The following GUCA1A variants were observed in gnomAD, a reference collection of about 807,000 sequenced individuals.
The protein encoded by GUCA1A is guanylate cyclase activator 1A, also known as guanylyl cyclase-activating protein 1.
In GUCA1A, 14 loss-of-function variants were observed where a neutral mutation model predicts 18.5. The observed-to-expected ratio is 0.76, with a 90% CI of 0.50 to 1.18. The LOEUF (loss-of-function observed/expected upper bound fraction) is 1.18, where lower values mean the gene tolerates loss of function less well. GUCA1A is among the 50% of genes most tolerant of loss of function. GUCA1A has a pLI of 0.00. For synonymous variants in GUCA1A, 97 were observed against 100.2 expected (o/e 0.97, Z 0.19); for missense variants, 264 against 262.4 (o/e 1.01, Z -0.04).
At position 42,178,899 on chromosome 6, in the gene GUCA1A, AG is replaced by A; in HGVS notation, c.445+9del. ...AAGATTGACGTCAACGGGGATGGTGAGGGGGCCGAGGAGGGGCTCCCCAGCG... is the reference window on the plus strand; with the variant it reads ...AAGATTGACGTCAACGGGGATGGTGAGGGGCCGAGGAGGGGCTCCCCAGCG... On this transcript the variant is annotated splice_donor_5th_base_variant and intron_variant, in intron 3 of 3. Transcript: ENST00000372958. The A allele has an allele frequency of 6.2e-7, 1 of 1,605,582 alleles. No homozygotes were observed. Among genetic ancestry groups the A allele is most frequent in the East Asian group, 2.2e-5 (1 of 44,844 alleles).
intron 1 of GUCA1A, among the ~76,000 whole-genome samples, chr6:42,174,088 C>A (rs1347792020): frequency 6.6e-6 from 1 of 152,178 alleles, no homozygotes; most frequent in East Asian, 1.9e-4. Context: ...CTTTCTAGGG[C>A]AAGACAGAGA....
rs1400532214 is a variant in GUCA1A, at chr6:42,179,395, G to A, written c.598G>A (p.Ala200Thr). 9.4e-6 allele frequency: 15 copies of A among 1,595,708 alleles called. No homozygotes were observed. Among genetic ancestry groups the A allele is most frequent in the Non-Finnish European group, 1.2e-5 (14 of 1,169,588 alleles). ...GGGGGCTGACGAGGCCGCTGAGGCAGCCGGCTGAGTGCACCGCCCGGCTGC... is the reference window on the plus strand; with the variant it reads ...GGGGGCTGACGAGGCCGCTGAGGCAACCGGCTGAGTGCACCGCCCGGCTGC... ...EEGADEAAEA[A>T]G Residue 200 changes from alanine (A) to threonine (T), a missense_variant, in exon 4 of 4, where the codon GCC becomes ACC. Physicochemically the swap from Ala to Thr is moderately conservative, Grantham distance 58. Transcript: ENST00000372958.
rs142260150 is a variant in GUCA1A at position 42,178,019 on chromosome 6, C to G, written c.202-261C>G. 4.8e-3 allele frequency among the ~76,000 whole-genome samples: 732 copies of G among 152,332 alleles called. 3 individuals carry two copies. Among genetic ancestry groups the G allele is most frequent in the African/African-American group, 0.016 (677 of 41,574 alleles). On this transcript the variant is annotated intron_variant, in intron 1 of 3. Transcript: ENST00000372958. ...AACAGACAGCGCCAGCCATTCACAC[C>G]CCAGTGGATGCTGGCTTATTAGATT...
chr6:42,174,513 C>CCACCTGGA (rs1404431985), intron 1 of GUCA1A, among the ~76,000 whole-genome samples: 3 of 152,160 alleles, frequency 2.0e-5, no homozygotes, highest in Non-Finnish European at 4.4e-5. Context: ...TCCTCAGTAG[C>CCACCTGGA]CACCTGGACG....
intron 1 of GUCA1A, among the ~76,000 whole-genome samples, 159 bp downstream of exon 1, chr6:42,173,973 T>C (rs146156357): frequency 7.0e-4 from 107 of 152,334 alleles, no homozygotes; most frequent in Middle Eastern, 3.4e-3. Flanking sequence ...GGTGGGTTTT[T>C]GACACTAGGG....
chr6:42,175,189 C>A (rs1767920752), intron 1 of GUCA1A, among the ~76,000 whole-genome samples: 1 of 151,998 alleles, frequency 6.6e-6, no homozygotes, highest in Non-Finnish European at 1.5e-5. Context: ...GAGCCTCACA[C>A]CTTACCCCCA....
At position 42,174,696 on chromosome 6, in the gene GUCA1A, T is replaced by A. The variant is rs199506493; in HGVS notation, c.201+882T>A. ...TGGATGTTGGGAGCATTAGTTAAGA[T>A]GTTTGTTGGTTTTCATAGTAAATCT... On this transcript the variant is annotated intron_variant, in intron 1 of 3. Transcript: ENST00000372958. 1.1e-4 allele frequency among the ~76,000 whole-genome samples: 16 copies of A among 152,328 alleles called. No homozygotes were observed. In the East Asian group the frequency reaches 2.3e-3, roughly 22 times the overall value.
At position 42,178,849 on chromosome 6, in the gene GUCA1A, G is replaced by A. The variant is rs1468496575; in HGVS notation, c.399G>A (p.Glu133=). The part of the protein sequence containing the change: ...NPCSDTTMTA[E]EFTDTVFSKI... ...GCAGCGATACCACCATGACTGCAGA[G>A]GAGTTCACCGATACAGTGTTCTCCA... The change falls in exon 3 of 4, where the codon GAG becomes GAA. Residue 133 remains glutamate (E), a synonymous_variant. Transcript: ENST00000372958. The A allele has an allele frequency of 6.2e-7, 1 of 1,614,082 alleles. No individual in the cohort carries two copies. The highest frequency in any genetic ancestry group is 8.5e-7 in the Non-Finnish European group (1 of 1,179,932).
intron 1 of GUCA1A, 42 bp from the exon 2 acceptor site, chr6:42,178,237 GC>G (rs1768009172): frequency 6.2e-7 from 1 of 1,610,832 alleles, no homozygotes; most frequent in Admixed American, 1.7e-5. Context: ...GCTGGAGTGA[GC>G]GGGGCCCGGA....
chr6:42,173,640 A>C lies in GUCA1A; in HGVS notation c.27A>C (p.Ser9=), dbSNP rs974775320. The C allele has an allele frequency of 9.3e-6, 15 of 1,614,010 alleles. No homozygotes were observed. Among genetic ancestry groups the C allele is most frequent in the Admixed American group, 5.0e-5 (3 of 60,018 alleles). ...TGGGCAACGTGATGGAGGGAAAGTC[A>C]GTGGAGGAGCTGAGCAGCACCGAGT... MGNVMEGK[S]VEELSSTECH... is the part of the protein sequence containing the mutation. The change falls in exon 1 of 4, where the codon TCA becomes TCC. Residue 9 remains serine (S), a synonymous_variant. Transcript: ENST00000372958.
At chr6:42,173,920 C>T (rs1767884331) in intron 1 of GUCA1A, 106 bp downstream of exon 1, 1 of 824,248 alleles carries the variant, frequency 1.2e-6, no homozygotes, top group Non-Finnish European at 2.1e-6. Flanking sequence ...GAAGTGTCCG[C>T]TGGGGAGCAA....
chr6:42,175,126 C>T (rs1391767466), intron 1 of GUCA1A, among the ~76,000 whole-genome samples: 1 of 152,144 alleles, frequency 6.6e-6, no homozygotes, highest in African/African-American at 2.4e-5. Context: ...ACTCAAAATG[C>T]TCCCGAAGAA....
chr6:42,177,096 T>C (rs1767978544), intron 1 of GUCA1A, among the ~76,000 whole-genome samples: 1 of 152,194 alleles, frequency 6.6e-6, no homozygotes, highest in South Asian at 2.1e-4. Context: ...TTTGCTTTGC[T>C]TACTTCAAAT....
rs369964888 is a variant in GUCA1A, at chr6:42,173,819, G to T, written c.201+5G>T. The T allele has an allele frequency of 1.2e-6, 2 of 1,609,870 alleles. No homozygotes were observed. Among genetic ancestry groups the T allele is most frequent in the Middle Eastern group, 1.7e-4 (1 of 6,054 alleles). ...GAGACTTTTGACTTCAACAAGGTGAGCAGGGGCCCAGTGGCAGGGAGGGGA... is the reference window on the plus strand; with the variant it reads ...GAGACTTTTGACTTCAACAAGGTGATCAGGGGCCCAGTGGCAGGGAGGGGA... On this transcript the variant is annotated splice_donor_5th_base_variant and intron_variant, in intron 1 of 3. Coordinates refer to ENST00000372958, the MANE Select transcript of GUCA1A (RefSeq NM_001384910.1).
rs149482975 is a variant in GUCA1A, at chr6:42,179,397, C to T, written c.600C>T (p.Ala200=). ...EEGADEAAEA[A]G is the part of the protein sequence containing the mutation. ...GGGCTGACGAGGCCGCTGAGGCAGCCGGCTGAGTGCACCGCCCGGCTGCTT... is the reference window on the plus strand; with the variant it reads ...GGGCTGACGAGGCCGCTGAGGCAGCTGGCTGAGTGCACCGCCCGGCTGCTT... The change falls in exon 4 of 4, where the codon GCC becomes GCT. Residue 200 remains alanine (A), a synonymous_variant. Coordinates refer to ENST00000372958, the MANE Select transcript of GUCA1A (RefSeq NM_001384910.1). The T allele has an allele frequency of 9.7e-5, 154 of 1,592,546 alleles. No homozygotes were observed. In the African/African-American group the frequency reaches 1.9e-3, roughly 19 times the overall value.
chr6:42,179,009 C>G, intron 3 of GUCA1A, 114 bp downstream of exon 3: 3 of 966,298 alleles, frequency 3.1e-6, no homozygotes, highest in East Asian at 4.9e-5. Context: ...GCCCAAAGGC[C>G]CCCGTGCTGG....
At position 42,178,284 on chromosome 6, in the gene GUCA1A, G is replaced by C; in HGVS notation, c.206G>C (p.Gly69Ala). 6.2e-7 allele frequency: 1 copy of C among 1,613,846 alleles called. No homozygotes were observed. The highest frequency in any genetic ancestry group is 1.3e-5 in the African/African-American group (1 of 75,062). Residue 69 changes from glycine to alanine, a missense_variant, in exon 2 of 4, where the codon GGC becomes GCC. Physicochemically the swap from Gly to Ala is moderately conservative, Grantham distance 60. Transcript: ENST00000372958. ...MFETFDFNKDGYIDFMEYVAA... is the reference protein window; with the variant it reads ...MFETFDFNKDAYIDFMEYVAA... ...GCGGCCGCGCCCCTCGCCCAGGACG[G>C]CTACATTGATTTCATGGAGTACGTG...
Position 42,178,904 on chromosome 6 carries a change from G to T in GUCA1A, c.445+9G>T, listed in dbSNP as rs1194472284. The stretch of plus-strand genomic sequence containing the variant: ...TGACGTCAACGGGGATGGTGAGGGG[G>T]CCGAGGAGGGGCTCCCCAGCGGAGG... On this transcript the variant is annotated intron_variant, in intron 3 of 3. Transcript: ENST00000372958. 4 of 1,597,640 alleles carry T rather than the reference G, an allele frequency of 2.5e-6. No homozygotes were observed. The Admixed American group carries it at 6.7e-5, about 27-fold the overall frequency.
chr6:42,175,781 C>T (rs971693665), intron 1 of GUCA1A, among the ~76,000 whole-genome samples: 2 of 152,168 alleles, frequency 1.3e-5, no homozygotes, highest in African/African-American at 4.8e-5. Flanking sequence ...GGCCTCCTCC[C>T]TTATTCCACA....
Sources: gnomAD v4.1 joint callset for allele counts (sites outside exome capture counted in the v4.1 genomes callset) on GRCh38, gnomAD v4.1.1 for gene constraint, MANE v1.5 for transcripts, NCBI Gene and HGNC (gene_info 2026-07-23, HGNC 2026-07-21) for gene names.